PRR4: variants seen among roughly 807,000 people sequenced by gnomAD.
The protein encoded by PRR4 is proline rich 4.
In PRR4, 7 loss-of-function variants were observed where a neutral mutation model predicts 7.6. That is an observed-to-expected ratio of 0.92 (90% CI 0.52 to 1.73). The LOEUF (loss-of-function observed/expected upper bound fraction) is 1.73, where lower values mean the gene tolerates loss of function less well. Among genes scored for constraint, PRR4 ranks in the 40% most tolerant of loss-of-function variants. The pLI, the probability that PRR4 is intolerant of heterozygous loss-of-function variation, is 0.00. For synonymous variants in PRR4, 64 were observed against 58.5 expected, an observed-to-expected ratio of 1.09 and a Z score of -0.43; for missense variants, 187 against 161.0, an observed-to-expected ratio of 1.16 and a Z score of -0.87.
chr12:10,847,514 T>G (rs961132593), intron 2 of PRR4, 147 bp from the exon 3 acceptor site: 23 of 516,860 alleles, frequency 4.4e-5, no homozygotes, highest in African/African-American at 4.3e-4. Flanking sequence ...ACTGTTTTTT[T>G]TTTCTTTTTA....
In PRR4 at chr12:10,849,398, T is replaced by C; in HGVS notation, c.40A>G (p.Ser14Gly). The C allele has an allele frequency of 6.2e-7, 1 of 1,607,596 alleles. No homozygotes were observed. The highest frequency in any genetic ancestry group is 8.5e-7 in the Non-Finnish European group (1 of 1,177,268). ...CCATTATCTGTGCTCTGAGCTGAGC[T>C]CAGAGCCAGAAGGACCACTGAGAGC... ...VLLSVVLLAL[S>G]SAQSTDNDVN... The change falls in exon 1 of 4, where the codon AGC becomes GGC. Residue 14 changes from serine to glycine, a missense_variant. By Grantham distance (56) the Ser-to-Gly change is moderately conservative. Coordinates refer to ENST00000228811, the MANE Select transcript of PRR4 (RefSeq NM_007244.3).
intron 1 of PRR4, 183 bp from the exon 2 acceptor site, chr12:10,848,590 A>G: frequency 2.0e-6 from 1 of 499,226 alleles, no homozygotes; most frequent in African/African-American, 2.0e-5. Flanking sequence ...GATTGTTACT[A>G]TCGCTGAGCA....
At position 10,847,381 on chromosome 12, in the gene PRR4, T is replaced by C. The variant is rs546466550; in HGVS notation, c.101-14A>G. 6.1e-6 allele frequency: 9 copies of C among 1,470,222 alleles called. No individual in the cohort carries two copies. In the South Asian group the frequency reaches 1.2e-4, roughly 20 times the overall value. 91.1% of individuals were successfully genotyped at this position (1,470,222 alleles called of 1,614,324 possible). A position where few individuals can be genotyped will look rare whatever the true frequency, so the allele number is the denominator to read the frequency against. On this transcript the variant is annotated splice_polypyrimidine_tract_variant and intron_variant, in intron 2 of 3. Transcript: ENST00000228811. ...AGTCCTCTACATCTGTGTGAGTAAT[T>C]AATGGACAAGAATGCATGAGCTCAG...
Position 10,849,473 on chromosome 12 carries a change from G to T in PRR4, c.-36C>A. On this transcript the variant is annotated 5_prime_UTR_variant, in exon 1 of 4. Coordinates refer to ENST00000228811, the MANE Select transcript of PRR4 (RefSeq NM_007244.3). The stretch of plus-strand genomic sequence containing the variant: ...GCTCTGGAGTTGCTCCCAACTCTGC[G>T]TTGAGAGAAACATGGCAGCTCCCTT... 2 of 1,523,806 alleles carry T rather than the reference G, an allele frequency of 1.3e-6. No homozygotes were observed. The highest frequency in any genetic ancestry group is 1.2e-5 in the South Asian group (1 of 81,948). 94.4% of individuals were successfully genotyped at this position (1,523,806 alleles called of 1,614,324 possible).
chr12:10,846,954 T>C, intron 3 of PRR4, 91 bp downstream of exon 3: 1 of 1,206,616 alleles, frequency 8.3e-7, no homozygotes, highest in East Asian at 2.4e-5. Context: ...ATTATGTAAT[T>C]TCAACATATT....
At position 10,847,110 on chromosome 12, in the gene PRR4, G is replaced by A. The variant is rs200742230; in HGVS notation, c.358C>T (p.Gln120Ter). ...VSLQEASSFF[Q>*]RDRPARHPQE... is the part of the protein sequence containing the mutation. Reference sequence around the variant, plus strand: ...GGATGTCTTGCTGGTCTGTCCCTCTGGAAGAATGATGATGCTTCCTGCAGG... The same window carrying A: ...GGATGTCTTGCTGGTCTGTCCCTCTAGAAGAATGATGATGCTTCCTGCAGG... Residue 120 changes from glutamine to a stop codon, truncating the protein, a stop_gained, in exon 3 of 4, where the codon CAG becomes TAG. Transcript: ENST00000228811. LOFTEE classifies it low-confidence loss of function (END_TRUNC). 119 of 1,611,106 alleles carry A rather than the reference G, an allele frequency of 7.4e-5. No individual in the cohort carries two copies. In the South Asian group the frequency reaches 7.4e-4, roughly 10 times the overall value.
rs777515599 is a variant in PRR4 at position 10,847,272 on chromosome 12, C to T, written c.196G>A (p.Asp66Asn). The T allele has an allele frequency of 6.2e-6, 10 of 1,611,918 alleles. No individual in the cohort carries two copies. The highest frequency in any genetic ancestry group is 8.5e-7 in the Non-Finnish European group (1 of 1,178,692). The change falls in exon 3 of 4, where the codon GAT (aspartate) becomes AAT (asparagine). Residue 66 changes from aspartate to asparagine, a missense_variant. Asp to Asn is a conservative substitution (Grantham distance 23). Transcript: ENST00000228811. ...PRPPGDSGNQ[D>N]DGPQQRPPKP... ...GGTGGTCTCTGCTGAGGACCATCAT[C>T]TTGGTTACCACTATCACCAGGGGGT...
At chr12:10,848,791 A>T (rs1240401041) in intron 1 of PRR4, 3 of 201,502 alleles carry the variant, frequency 1.5e-5, no homozygotes, top group Non-Finnish European at 2.0e-5. Flanking sequence ...AAATATTTGG[A>T]TATAATCTTA....
rs748779044 is a variant in PRR4 at position 10,849,447 on chromosome 12, G to C, written c.-10C>G. On this transcript the variant is annotated 5_prime_UTR_variant, in exon 1 of 4. Transcript: ENST00000228811. ...GCAGGACCAGCAGCATCTTGAAGGA[G>C]GCTCTGGAGTTGCTCCCAACTCTGC... 1.9e-6 allele frequency: 3 copies of C among 1,598,700 alleles called. No homozygotes were observed. In the East Asian group the frequency reaches 6.7e-5, roughly 36 times the overall value.
At chr12:10,848,117 A>G (rs1234015577) in intron 2 of PRR4, among the ~76,000 whole-genome samples, 1 of 152,144 alleles carries the variant, frequency 6.6e-6, no homozygotes, top group Non-Finnish European at 1.5e-5. Context: ...GCCTGGGAAA[A>G]AAGCCTGCCC....
Position 10,848,464 on chromosome 12 carries a change from A to G in PRR4, c.65-57T>C, listed in dbSNP as rs1352100404. 24 of 1,533,992 alleles carry G rather than the reference A, an allele frequency of 1.6e-5. No homozygotes were observed. The South Asian group carries it at 2.7e-4, about 17-fold the overall frequency. ...TTACCTCATAAATCTTTCAGGGCTC[A>G]TAGTGGTCTATAGGGAAAGGGGTCT... is the stretch of plus-strand genomic sequence containing the variant. On this transcript the variant is annotated intron_variant, in intron 1 of 3. Transcript: ENST00000228811.
chr12:10,848,134 A>G (rs534863923), intron 2 of PRR4, among the ~76,000 whole-genome samples: 1 of 152,166 alleles, frequency 6.6e-6, no homozygotes, highest in South Asian at 2.1e-4. Flanking sequence ...GCCCACTCCT[A>G]TTGTCCTCAA....
Position 10,847,150 on chromosome 12 carries a change from T to A in PRR4, c.318A>T (p.Arg106=). ...CTTCCTGCAGGCTGACAGAAGGAAA[T>A]CGGGGTAGAGAGAGTTGACGGTGTC... The part of the protein sequence containing the change: ...RRGHRQLSLP[R]FPSVSLQEAS... The change falls in exon 3 of 4, where the codon CGA becomes CGT. Residue 106 remains arginine, a synonymous_variant. Coordinates refer to ENST00000228811, the MANE Select transcript of PRR4 (RefSeq NM_007244.3). 6.2e-7 allele frequency: 1 copy of A among 1,613,366 alleles called. No homozygotes were observed. The highest frequency in any genetic ancestry group is 8.5e-7 in the Non-Finnish European group (1 of 1,179,616).
intron 2 of PRR4, 148 bp downstream of exon 2, chr12:10,848,223 AT>A: frequency 1.5e-6 from 1 of 680,272 alleles, no homozygotes; most frequent in Non-Finnish European, 2.4e-6. Flanking sequence ...TTGCCTATAT[AT>A]TTAGGGGCAC....
At chr12:10,846,056 T>G (rs1328713766) in intron 3 of PRR4, 106 bp from the exon 4 acceptor site, 8 of 773,346 alleles carry the variant, frequency 1.0e-5, no homozygotes, top group Middle Eastern at 2.6e-4. Flanking sequence ...GCTTTCAAGA[T>G]TAAGAAAACA....
chr12:10,846,605 G>A (rs953521360), intron 3 of PRR4, among the ~76,000 whole-genome samples: 1 of 152,118 alleles, frequency 6.6e-6, no homozygotes, highest in Non-Finnish European at 1.5e-5. Flanking sequence ...AGAGCATCAA[G>A]TTCAAGTATC....
At chr12:10,846,984 C>A in intron 3 of PRR4, 61 bp downstream of exon 3, 1 of 1,369,138 alleles carries the variant, frequency 7.3e-7, no homozygotes, top group African/African-American at 1.4e-5. Context: ...TTTGTGAACA[C>A]GATAAAGTTT....
At position 10,847,331 on chromosome 12, in the gene PRR4, G is replaced by A; in HGVS notation, c.137C>T (p.Pro46Leu). ...GAGTCCTTCAGGAGGAGGTCTCTGG[G>A]GTCCCTGATCTGGTCTCTGACTTGA... ...EDSSQRPDQGPQRPPPEGLLP... is the reference protein window; with the variant it reads ...EDSSQRPDQGLQRPPPEGLLP... Residue 46 changes from proline to leucine, a missense_variant, in exon 3 of 4, where the codon CCC becomes CTC. By Grantham distance (98) the Pro-to-Leu change is moderately conservative (BLOSUM62 -3). Transcript: ENST00000228811. 1 of 1,570,766 alleles carries A rather than the reference G, an allele frequency of 6.4e-7. No individual in the cohort carries two copies.
rs115431840 is a variant in PRR4 at position 10,847,292 on chromosome 12, G to A, written c.176C>T (p.Pro59Leu). The part of the protein sequence containing the change: ...PPPEGLLPRP[P>L]GDSGNQDDGP... ...ATCATCTTGGTTACCACTATCACCA[G>A]GGGGTCTAGGTAGGAGTCCTTCAGG... The change falls in exon 3 of 4, where the codon CCT becomes CTT. Residue 59 changes from proline to leucine, a missense_variant. Coordinates refer to ENST00000228811, the MANE Select transcript of PRR4 (RefSeq NM_007244.3). The A allele has an allele frequency of 1.4e-5, 23 of 1,609,402 alleles. No homozygotes were observed. The highest frequency in any genetic ancestry group is 1.9e-5 in the Non-Finnish European group (22 of 1,177,192).
Sources: allele counts gnomAD v4.1 joint callset (sites outside exome capture counted in the v4.1 genomes callset), GRCh38; gene constraint gnomAD v4.1.1; transcripts MANE v1.5; gene names NCBI Gene and HGNC (gene_info 2026-07-23, HGNC 2026-07-21).